Variants in NARF observed in about 807,000 individuals in gnomAD.
NARF encodes the protein nuclear prelamin A recognition factor.
A neutral mutation model predicts 48.0 loss-of-function variants in NARF; 41 were observed. That is an observed-to-expected ratio of 0.85 (90% CI 0.66 to 1.11). The LOEUF (loss-of-function observed/expected upper bound fraction) is 1.11. Among genes scored for constraint, NARF ranks in the 50% least tolerant of loss-of-function variants. NARF has a pLI of 0.00. For synonymous variants in NARF, 215 were observed against 225.5 expected, an observed-to-expected ratio of 0.95 and a Z score of 0.42; for missense variants, 613 against 590.2, an observed-to-expected ratio of 1.04 and a Z score of -0.40.
At chr17:82,466,995 CTT>C (rs762291462) in intron 3 of NARF, among the ~76,000 whole-genome samples, 20 of 134,664 alleles carry the variant, frequency 1.5e-4, no homozygotes, top group African/African-American at 1.1e-4. Flanking sequence ...ACCTGGCCTT[CTT>C]TTTTTTTTTT....
intron 5 of NARF, among the ~76,000 whole-genome samples, chr17:82,474,159 C>T (rs915209927): frequency 1.3e-5 from 2 of 152,048 alleles, no homozygotes; most frequent in Non-Finnish European, 2.9e-5. Context: ...CCAGCCTGGG[C>T]GAAAGACTGA....
chr17:82,470,952 A>G (rs2043686216), intron 4 of NARF, among the ~76,000 whole-genome samples: 1 of 150,436 alleles, frequency 6.6e-6, no homozygotes, highest in Admixed American at 6.6e-5. Flanking sequence ...ACCTGAGGTC[A>G]GGAGTTTGAG....
In NARF at chr17:82,483,741, A is replaced by G. The variant is rs1219872343; in HGVS notation, c.795A>G (p.Gln265=). 1 of 1,613,940 alleles carries G rather than the reference A, an allele frequency of 6.2e-7. No individual in the cohort carries two copies. Among genetic ancestry groups the G allele is most frequent in the Non-Finnish European group, 8.5e-7 (1 of 1,179,988 alleles). Residue 265 remains glutamine (Q), a synonymous_variant, in exon 8 of 11, where the codon CAA becomes CAG. Transcript: ENST00000309794. ...GTGAAATTGCTCAAATAATGGAGCA[A>G]GGTGACCTCTCAGTGAGAGATGCTG... ...TSGEIAQIME[Q]GDLSVRDAAV... is the part of the protein sequence containing the mutation.
rs779894505 is a variant in NARF at position 82,460,150 on chromosome 17, C to T, written c.108+78C>T. On this transcript the variant is annotated intron_variant, in intron 2 of 10. Transcript: ENST00000309794. The stretch of plus-strand genomic sequence containing the variant: ...TTTTCTCTTTGGGGGCTCACAGCAC[C>T]GTGCACATCACTGCTTTAAAGAAGA... 8 of 1,226,190 alleles carry T rather than the reference C, an allele frequency of 6.5e-6. No individual in the cohort carries two copies. The East Asian group carries it at 7.2e-5, about 11-fold the overall frequency. 76.0% of individuals were successfully genotyped at this position (1,226,190 alleles called of 1,614,324 possible).
intron 6 of NARF, 134 bp from the exon 7 acceptor site, chr17:82,480,948 A>AT (rs1378070108): frequency 2.0e-6 from 2 of 1,020,210 alleles, no homozygotes; most frequent in African/African-American, 3.4e-5. Context: ...AAAAAAAAAA[A>AT]AGAGTGCAGC....
chr17:82,480,140 G>T, intron 6 of NARF: 1 of 304,212 alleles, frequency 3.3e-6, no homozygotes. Context: ...TCACCACAGG[G>T]TCACTTGGCA....
At position 82,489,889 on chromosome 17, in the gene NARF, G is replaced by T. The variant is rs932457102; in HGVS notation, c.*1732G>T. 2.6e-5 allele frequency: 4 copies of T among 151,844 alleles called. No individual in the cohort carries two copies. Among genetic ancestry groups the T allele is most frequent in the South Asian group, 2.1e-4 (1 of 4,814 alleles). 9.4% of individuals were successfully genotyped at this position (151,844 alleles called of 1,614,324 possible). ...GTCACCCAGGCTGGAGTTCAGTGGC[G>T]TGATCTCGGCTCACAGCAACCTCCG... On this transcript the variant is annotated 3_prime_UTR_variant, in exon 11 of 11. Coordinates refer to ENST00000309794, the MANE Select transcript of NARF (RefSeq NM_012336.4).
At chr17:82,458,684 G>A, upstream of NARF, 1 of 1,316,416 alleles carries the variant, frequency 7.6e-7, no homozygotes, top group Non-Finnish European at 9.8e-7. Context: ...CGCGGCCGTT[G>A]GGGGTGAGGC....
Position 82,464,353 on chromosome 17 carries a change from T to C in NARF, c.175T>C (p.Cys59Arg), listed in dbSNP as rs2043510432. 10 of 1,614,142 alleles carry C rather than the reference T, an allele frequency of 6.2e-6. No homozygotes were observed. The highest frequency in any genetic ancestry group is 7.6e-6 in the Non-Finnish European group (9 of 1,179,978). Residue 59 changes from cysteine to arginine, a missense_variant, in exon 3 of 11, where the codon TGT (cysteine) becomes CGT (arginine). Coordinates refer to ENST00000309794, the MANE Select transcript of NARF (RefSeq NM_012336.4). ...GAGCGACTGCCTGGCATGTGACAGC[T>C]GTATGACTGCAGAGGAAGGAGTCCA... is the stretch of plus-strand genomic sequence containing the variant. Reference protein sequence around the residue: ...FLSDCLACDSCMTAEEGVQLS... With the variant: ...FLSDCLACDSRMTAEEGVQLS...
intron 2 of NARF, 148 bp from the exon 3 acceptor site, chr17:82,464,139 C>A: frequency 9.6e-7 from 1 of 1,040,582 alleles, no homozygotes; most frequent in Non-Finnish European, 1.4e-6. Context: ...AGAGACTGTC[C>A]TGCTTCCAGC....
At chr17:82,484,096 C>T (rs1317959960) in intron 8 of NARF, 6 of 260,030 alleles carry the variant, frequency 2.3e-5, no homozygotes, top group South Asian at 6.0e-5. Context: ...GTGCACCAGC[C>T]CCCTTCTTCC....
intron 8 of NARF, chr17:82,484,037 A>G (rs775374005): frequency 2.2e-6 from 1 of 462,106 alleles, no homozygotes; most frequent in Non-Finnish European, 3.9e-6. Flanking sequence ...TTGAGGAAGG[A>G]CAAAATGCAC....
At chr17:82,483,667 T>TC in intron 7 of NARF, 49 bp from the exon 8 acceptor site, 2 of 1,584,634 alleles carry the variant, frequency 1.3e-6, no homozygotes, top group South Asian at 2.2e-5. Context: ...GAAGAAAAGT[T>TC]CCTGTGGCCA....
At chr17:82,464,465 G>C (rs1263782983) in intron 3 of NARF, 35 bp downstream of exon 3, 1 of 1,588,390 alleles carries the variant, frequency 6.3e-7, no homozygotes, top group African/African-American at 1.3e-5. Context: ...ATGCTGGGGA[G>C]CTGACCTGGA....
intron 5 of NARF, among the ~76,000 whole-genome samples, chr17:82,475,523 G>A (rs1210491729): frequency 6.6e-6 from 1 of 152,204 alleles, no homozygotes; most frequent in Non-Finnish European, 1.5e-5. Flanking sequence ...CTGGAACCCA[G>A]GAGGTCGAGG....
chr17:82,458,816 C>A lies in NARF; in HGVS notation c.13C>A (p.His5Asn). 4.9e-6 allele frequency: 7 copies of A among 1,436,212 alleles called. No homozygotes were observed. The highest frequency in any genetic ancestry group is 1.5e-5 in the African/African-American group (1 of 67,322). The allele number at this position is 1,436,212 out of a possible 1,614,324, so 89.0% of individuals were successfully genotyped here. A position where few individuals can be genotyped will look rare whatever the true frequency, so the allele number is the denominator to read the frequency against. Residue 5 changes from histidine to asparagine, a missense_variant, in exon 1 of 11, where the codon CAC (histidine) becomes AAC (asparagine). Physicochemically the swap from His to Asn is moderately conservative, Grantham distance 68. Coordinates refer to ENST00000309794, the MANE Select transcript of NARF (RefSeq NM_012336.4). The stretch of plus-strand genomic sequence containing the variant: ...CGCCGCGCTCCAGATGAAGTGTGAG[C>A]ACTGCACGCGCAAGGTGAGCGCCGC... MKCE[H>N]CTRKECSKKT... is the part of the protein sequence containing the mutation.
intron 7 of NARF, among the ~76,000 whole-genome samples, chr17:82,482,949 C>T (rs990642917): frequency 6.6e-6 from 1 of 151,760 alleles, no homozygotes; most frequent in African/African-American, 2.4e-5. Flanking sequence ...TGCGCCCCAC[C>T]ACACCAGGCT....
At chr17:82,471,861 A>G (rs929850930) in intron 4 of NARF, among the ~76,000 whole-genome samples, 1 of 151,784 alleles carries the variant, frequency 6.6e-6, no homozygotes, top group Non-Finnish European at 1.5e-5. Flanking sequence ...AAACACATCA[A>G]GAACCATCAC....
chr17:82,475,773 G>C (rs1275657520), intron 5 of NARF, among the ~76,000 whole-genome samples: 1 of 152,138 alleles, frequency 6.6e-6, no homozygotes, highest in Non-Finnish European at 1.5e-5. Flanking sequence ...TGCCACAGGC[G>C]GAGGGATCAC....
Sources: allele counts gnomAD v4.1 joint callset (sites outside exome capture counted in the v4.1 genomes callset), GRCh38; gene constraint gnomAD v4.1.1; transcripts MANE v1.5; gene names NCBI Gene and HGNC (gene_info 2026-07-23, HGNC 2026-07-21).